The following CDKAL1 variants were observed in gnomAD, a reference collection of about 807,000 sequenced individuals.
CDKAL1 encodes threonylcarbamoyladenosine tRNA methylthiotransferase.
In CDKAL1, 32 loss-of-function variants were observed where a neutral mutation model predicts 68.2. The ratio of observed to expected loss-of-function variants is 0.47; its 90% CI spans 0.35 to 0.63. CDKAL1 has a LOEUF of 0.63. Among genes scored for constraint, CDKAL1 ranks in the 30% least tolerant of loss-of-function variants. CDKAL1 has a pLI of 0.00. For missense variants in CDKAL1, 606 were observed against 696.7 expected (o/e 0.87, Z 1.47); for synonymous variants, 234 against 244.3 (o/e 0.96, Z 0.39).
chr6:21,073,561 T>C (rs148724182), intron 12 of CDKAL1, among the ~76,000 whole-genome samples: 1 of 152,348 alleles, frequency 6.6e-6, no homozygotes, highest in East Asian at 1.9e-4. Context: ...TGTAATGGTA[T>C]CTCACTGTAG....
chr6:20,634,758 A>C (rs62397573), intron 4 of CDKAL1, among the ~76,000 whole-genome samples: 5,685 of 152,104 alleles, frequency 0.037, 123 homozygotes, highest in Middle Eastern at 0.071. Context: ...CAGGAGGATC[A>C]CCTGAGGTCA....
rs780410410 is a variant in CDKAL1 at position 20,649,432 on chromosome 6, C to T, written c.371+55C>T. On this transcript the variant is annotated intron_variant, in intron 5 of 15. Transcript: ENST00000274695. Reference sequence around the variant, plus strand: ...GTATAATCAAAGTAAGAATTGATACCAAAAGATTAGCTTTTTAAAAATGTC... The same window carrying T: ...GTATAATCAAAGTAAGAATTGATACTAAAAGATTAGCTTTTTAAAAATGTC... The T allele has an allele frequency of 4.3e-4, 409 of 952,414 alleles. 2 individuals carry two copies. Among genetic ancestry groups the T allele is most frequent in the Middle Eastern group, 2.7e-3 (11 of 4,028 alleles). The allele number at this position is 952,414 out of a possible 1,614,324, so 59.0% of individuals were successfully genotyped here.
At chr6:20,929,325 A>G (rs1169901343) in intron 9 of CDKAL1, among the ~76,000 whole-genome samples, 2 of 152,202 alleles carry the variant, frequency 1.3e-5, no homozygotes, top group African/African-American at 4.8e-5. Flanking sequence ...CTTCCTGGTA[A>G]TAAAGATTAA....
intron 4 of CDKAL1, among the ~76,000 whole-genome samples, chr6:20,567,610 G>A (rs1764512853): frequency 6.6e-6 from 1 of 152,132 alleles, no homozygotes; most frequent in South Asian, 2.1e-4. Context: ...TTCATAGAAG[G>A]AATATGGAAT....
intron 10 of CDKAL1, among the ~76,000 whole-genome samples, chr6:20,961,458 T>G (rs1581919098): frequency 6.7e-6 from 1 of 150,294 alleles, no homozygotes. Flanking sequence ...CAGGGGGAGG[T>G]GGGAGAGGTT....
chr6:20,883,473 G>A (rs1461374702), intron 9 of CDKAL1, among the ~76,000 whole-genome samples: 1 of 152,194 alleles, frequency 6.6e-6, no homozygotes, highest in Non-Finnish European at 1.5e-5. Flanking sequence ...TGTTCCTCCA[G>A]TATTGTATAG....
intron 8 of CDKAL1, among the ~76,000 whole-genome samples, chr6:20,816,568 C>T (rs1777055858): frequency 6.6e-6 from 1 of 152,040 alleles, no homozygotes; most frequent in Non-Finnish European, 1.5e-5. Context: ...AATGAGAATG[C>T]TCTTTGTTAC....
chr6:20,550,071 G>A (rs1047558718), intron 4 of CDKAL1, among the ~76,000 whole-genome samples: 1 of 150,596 alleles, frequency 6.6e-6, no homozygotes, highest in Non-Finnish European at 1.5e-5. Flanking sequence ...CTCTGCCTCC[G>A]GGGTTCAAGG....
chr6:21,129,666 T>G (rs1175741433), intron 13 of CDKAL1, among the ~76,000 whole-genome samples: 2 of 129,574 alleles, frequency 1.5e-5, no homozygotes, highest in Admixed American at 8.5e-5. Context: ...GACTATACAT[T>G]CTGACTGCAG....
chr6:20,785,953 G>A (rs993070321), intron 8 of CDKAL1, among the ~76,000 whole-genome samples: 1 of 152,186 alleles, frequency 6.6e-6, no homozygotes, highest in African/African-American at 2.4e-5. Flanking sequence ...AGGTGCAGTG[G>A]ATCATGCCTG....
At chr6:20,683,610 G>T (rs1175953145) in intron 5 of CDKAL1, among the ~76,000 whole-genome samples, 1 of 152,196 alleles carries the variant, frequency 6.6e-6, no homozygotes, top group Non-Finnish European at 1.5e-5. Flanking sequence ...AAGGTACAGA[G>T]ATGTTCCATA....
chr6:20,905,355 G>T (rs1293914762), intron 9 of CDKAL1, among the ~76,000 whole-genome samples: 10 of 152,178 alleles, frequency 6.6e-5, no homozygotes, highest in Admixed American at 1.3e-4. Flanking sequence ...GCAGAAGAAA[G>T]AATTTGAATT....
intron 15 of CDKAL1, among the ~76,000 whole-genome samples, chr6:21,204,918 C>T (rs999302077): frequency 1.3e-5 from 2 of 151,232 alleles, no homozygotes; most frequent in African/African-American, 4.8e-5. Flanking sequence ...AAAACTGAAA[C>T]CCTGTACTCA....
chr6:20,798,238 G>T (rs556848015), intron 8 of CDKAL1, among the ~76,000 whole-genome samples: 2 of 152,208 alleles, frequency 1.3e-5, no homozygotes, highest in South Asian at 4.1e-4. Context: ...TTGGGTAAGG[G>T]TATAGCACAA....
At chr6:21,007,227 C>T (rs1767773194) in intron 11 of CDKAL1, among the ~76,000 whole-genome samples, 1 of 151,926 alleles carries the variant, frequency 6.6e-6, no homozygotes, top group Admixed American at 6.6e-5. Flanking sequence ...TTGCTTGAGT[C>T]CAGGAGTTCA....
intron 5 of CDKAL1, among the ~76,000 whole-genome samples, chr6:20,707,074 A>T (rs1771633529): frequency 6.6e-6 from 1 of 152,222 alleles, no homozygotes; most frequent in Admixed American, 6.5e-5. Flanking sequence ...TCTGTCATTA[A>T]AAACAATTTT....
chr6:20,764,372 A>T (rs1353294188), intron 7 of CDKAL1, among the ~76,000 whole-genome samples: 1 of 152,184 alleles, frequency 6.6e-6, no homozygotes, highest in Non-Finnish European at 1.5e-5. Context: ...AAGTGGCGGT[A>T]ATTTAGGGTT....
At chr6:20,667,895 T>C (rs978207283) in intron 5 of CDKAL1, among the ~76,000 whole-genome samples, 1 of 152,168 alleles carries the variant, frequency 6.6e-6, no homozygotes, top group Non-Finnish European at 1.5e-5. Flanking sequence ...GTGTATGTGA[T>C]TTTCATGGCT....
chr6:20,734,564 AC>A (rs1773100223), intron 5 of CDKAL1, among the ~76,000 whole-genome samples: 1 of 152,204 alleles, frequency 6.6e-6, no homozygotes, highest in Non-Finnish European at 1.5e-5. Context: ...GTAAGAAGGT[AC>A]TGTTGAGAAC....
Sources: allele counts gnomAD v4.1 joint callset (sites outside exome capture counted in the v4.1 genomes callset), GRCh38; gene constraint gnomAD v4.1.1; transcripts MANE v1.5; gene names NCBI Gene and HGNC (gene_info 2026-07-23, HGNC 2026-07-21).